MATN3: variants seen among roughly 807,000 people sequenced by gnomAD.
MATN3 encodes the protein matrilin 3.
MATN3 carries 48 observed loss-of-function variants against 45.3 expected under a neutral mutation model. That is an observed-to-expected ratio of 1.06 (90% CI 0.84 to 1.35). MATN3 has a LOEUF of 1.35. MATN3 is among the 40% of genes most tolerant of loss of function. The probability of loss-of-function intolerance (pLI) is 0.00; values close to 1 mark genes in which losing one functional copy is unlikely to be tolerated. For missense variants in MATN3, 599 were observed against 628.0 expected (o/e 0.95, Z 0.49); for synonymous variants, 217 against 245.9 (o/e 0.88, Z 1.10).
intron 3 of MATN3, 123 bp downstream of exon 3, chr2:20,003,038 A>G: frequency 8.6e-7 from 1 of 1,163,488 alleles, no homozygotes. Context: ...GAACACCAGT[A>G]AACCAGCCAA....
rs572116479 is a variant in MATN3, at chr2:20,010,363, A to G, written c.223+2046T>C. On this transcript the variant is annotated intron_variant, in intron 1 of 7. Coordinates refer to ENST00000407540, the MANE Select transcript of MATN3 (RefSeq NM_002381.5). ...CTTGGTTATTCACACCGAATCCTCT[A>G]TTCGGGGTGTGGTATGCAGAATAAT... Among the ~76,000 whole-genome samples, 3 of 152,294 alleles carry G rather than the reference A, an allele frequency of 2.0e-5. 1 individual carries two copies. Among genetic ancestry groups the G allele is most frequent in the Non-Finnish European group, 2.9e-5 (2 of 68,036 alleles).
Position 20,006,192 on chromosome 2 carries a change from G to A in MATN3, c.342C>T (p.Asp114=). 1 of 1,613,904 alleles carries A rather than the reference G, an allele frequency of 6.2e-7. No homozygotes were observed. The highest frequency in any genetic ancestry group is 8.5e-7 in the Non-Finnish European group (1 of 1,179,874). ...TFVSRIIDTL[D]IGPADTRVAV... is the part of the protein sequence containing the mutation. Reference sequence around the variant, plus strand: ...CCACCCGCGTGTCGGCTGGCCCAATGTCCAGAGTGTCGATTATCCGGGAGA... The same window carrying A: ...CCACCCGCGTGTCGGCTGGCCCAATATCCAGAGTGTCGATTATCCGGGAGA... Residue 114 remains aspartate, a synonymous_variant, in exon 2 of 8, where the codon GAC becomes GAT. Transcript: ENST00000407540.
In MATN3 at chr2:19,993,177, G is replaced by T. The variant is rs759227002; in HGVS notation, c.1406-11C>A. ...CCAAAATGTCATCAAGTGGCAAGTT[G>T]TTAAGGCCAACACCATTTATTTTTA... On this transcript the variant is annotated splice_polypyrimidine_tract_variant and intron_variant, in intron 7 of 7. Coordinates refer to ENST00000407540, the MANE Select transcript of MATN3 (RefSeq NM_002381.5). 6 of 1,596,984 alleles carry T rather than the reference G, an allele frequency of 3.8e-6. No individual in the cohort carries two copies. Among genetic ancestry groups the T allele is most frequent in the Non-Finnish European group, 5.2e-6 (6 of 1,164,978 alleles).
intron 6 of MATN3, 74 bp downstream of exon 6, chr2:19,997,059 TA>T: frequency 6.6e-7 from 1 of 1,505,522 alleles, no homozygotes. Flanking sequence ...AACTGTGTCT[TA>T]GACAGAAAGA....
chr2:20,007,294 C>T (rs1006941150), intron 1 of MATN3, among the ~76,000 whole-genome samples: 17 of 152,150 alleles, frequency 1.1e-4, no homozygotes, highest in Non-Finnish European at 1.2e-4. Flanking sequence ...TGTGGGAGGC[C>T]GAGGCGGGAG....
rs996766896 is a variant in MATN3, at chr2:20,012,542, G to C, written c.90C>G (p.Pro30=). 5.2e-5 allele frequency: 64 copies of C among 1,226,510 alleles called. No individual in the cohort carries two copies. The Admixed American group carries it at 9.4e-4, about 18-fold the overall frequency. The allele number at this position is 1,226,510 out of a possible 1,614,324, so 76.0% of individuals were successfully genotyped here. ...LLLLPSAAPD[P]VARPGFRRLE... ...GCCTCCGGAAGCCCGGGCGGGCCAC[G>C]GGGTCGGGGGCGGCGGAGGGCAGCA... Residue 30 remains proline (P), a synonymous_variant, in exon 1 of 8, where the codon CCC becomes CCG. Transcript: ENST00000407540. The surrounding 1 kb of genome is among the most constrained non-coding windows in gnomAD (Gnocchi z 4.3).
chr2:20,012,439 T>C lies in MATN3; in HGVS notation c.193A>G (p.Thr65Ala). 1 of 1,229,418 alleles carries C rather than the reference T, an allele frequency of 8.1e-7. No individual in the cohort carries two copies. Among genetic ancestry groups the C allele is most frequent in the Non-Finnish European group, 1.0e-6 (1 of 986,504 alleles). 76.2% of individuals were successfully genotyped at this position (1,229,418 alleles called of 1,614,324 possible). The part of the protein sequence containing the change: ...AAPDGAPASG[T>A]SEPGRARGAG... ...CCGCGGGCGCGGCCAGGCTCGCTGG[T>C]CCCGGAAGCGGGCGCGCCGTCGGGA... The change falls in exon 1 of 8, where the codon ACC (threonine) becomes GCC (alanine). Residue 65 changes from threonine to alanine, a missense_variant. By Grantham distance (58) the Thr-to-Ala change is moderately conservative. Coordinates refer to ENST00000407540, the MANE Select transcript of MATN3 (RefSeq NM_002381.5). The surrounding 1 kb of genome is among the most constrained non-coding windows in gnomAD (Gnocchi z 4.3).
In MATN3 at chr2:19,995,270, T is replaced by C. The variant is rs909746610; in HGVS notation, c.1295-861A>G. The stretch of plus-strand genomic sequence containing the variant: ...GAGTTCAAGACCAGCCTGGACAACA[T>C]AGTGAAACCCCGTCTCTAATAAAGA... On this transcript the variant is annotated intron_variant, in intron 6 of 7. Coordinates refer to ENST00000407540, the MANE Select transcript of MATN3 (RefSeq NM_002381.5). The surrounding 1 kb of genome is among the most constrained non-coding windows in gnomAD (Gnocchi z 4.2). Among the ~76,000 whole-genome samples the C allele has an allele frequency of 2.6e-5, 4 of 151,822 alleles. No individual in the cohort carries two copies. The highest frequency in any genetic ancestry group is 5.9e-5 in the Non-Finnish European group (4 of 67,976).
intron 5 of MATN3, among the ~76,000 whole-genome samples, chr2:19,999,626 TAAA>T (rs56100312): frequency 2.4e-4 from 29 of 120,164 alleles, no homozygotes; most frequent in South Asian, 5.6e-4. Flanking sequence ...GGTTTCCCTT[TAAA>T]AAAAAAAAAA....
chr2:20,000,604 T>C, intron 4 of MATN3, 38 bp from the exon 5 acceptor site: 1 of 1,588,478 alleles, frequency 6.3e-7, no homozygotes, highest in Non-Finnish European at 8.5e-7. Context: ...AAATAGAAGG[T>C]GGAAAAGTAT....
At chr2:19,994,982 C>T (rs577444580) in intron 6 of MATN3, among the ~76,000 whole-genome samples, 1 of 151,872 alleles carries the variant, frequency 6.6e-6, no homozygotes, top group East Asian at 1.9e-4. Context: ...CCTAGCTACT[C>T]GAGAGGCTGA....
chr2:19,999,926 G>A lies in MATN3; in HGVS notation c.1168+515C>T, dbSNP rs141757584. On this transcript the variant is annotated intron_variant, in intron 5 of 7. Coordinates refer to ENST00000407540, the MANE Select transcript of MATN3 (RefSeq NM_002381.5). The stretch of plus-strand genomic sequence containing the variant: ...GGCTGAGTTTCACCAATGATTGATC[G>A]TCTAGAAACTGCCAGGGAGTGACTG... Among the ~76,000 whole-genome samples, 780 of 152,264 alleles carry A rather than the reference G, an allele frequency of 5.1e-3. 4 individuals are homozygous for A. The highest frequency in any genetic ancestry group is 8.9e-3 in the African/African-American group (370 of 41,570).
chr2:20,000,515 T>A lies in MATN3; in HGVS notation c.1094A>T (p.Asn365Ile), dbSNP rs558761609. ...ACAATGATGGGACCCTGTTCTGTCA[T>A]TCACACAAATGTGCTGACACCCATG... The part of the protein sequence containing the change: ...GTHGCQHICV[N>I]DRTGSHHCEC... Residue 365 changes from asparagine (N) to isoleucine (I), a missense_variant, in exon 5 of 8, where the codon AAT (asparagine) becomes ATT (isoleucine). Asn to Ile is a moderately radical substitution (Grantham distance 149). Transcript: ENST00000407540. The A allele has an allele frequency of 1.9e-6, 3 of 1,612,570 alleles. No individual in the cohort carries two copies. The East Asian group carries it at 6.7e-5, about 36-fold the overall frequency.
rs772606660 is a variant in MATN3 at position 19,997,173 on chromosome 2, G to C, written c.1255C>G (p.Pro419Ala). 2 of 1,613,920 alleles carry C rather than the reference G, an allele frequency of 1.2e-6. No homozygotes were observed. The highest frequency in any genetic ancestry group is 2.2e-5 in the East Asian group (1 of 44,878). ...GAASYHCDCYPGYTLNEDKKT... is the reference protein window; with the variant it reads ...GAASYHCDCYAGYTLNEDKKT... ...TTGTCCTCATTTAAGGTGTAGCCAG[G>C]ATAGCAATCACAGTGGTAGGATGCG... The change falls in exon 6 of 8, where the codon CCT becomes GCT. Residue 419 changes from proline (P) to alanine (A), a missense_variant. Coordinates refer to ENST00000407540, the MANE Select transcript of MATN3 (RefSeq NM_002381.5).
chr2:20,009,954 T>C (rs781022547), intron 1 of MATN3, among the ~76,000 whole-genome samples: 7 of 149,980 alleles, frequency 4.7e-5, no homozygotes, highest in Non-Finnish European at 8.8e-5. Flanking sequence ...TTAAATTGTA[T>C]AAAAACAAGC....
At chr2:19,999,513 C>T (rs1672943431) in intron 5 of MATN3, among the ~76,000 whole-genome samples, 1 of 151,820 alleles carries the variant, frequency 6.6e-6, no homozygotes, top group Non-Finnish European at 1.5e-5. Context: ...TCTCTGTTCA[C>T]CCAGATTTAA....
chr2:19,993,068 T>TA lies in MATN3; in HGVS notation c.*42dup, dbSNP rs1449013739. 1.3e-6 allele frequency: 2 copies of TA among 1,509,362 alleles called. No individual in the cohort carries two copies. Among genetic ancestry groups the TA allele is most frequent in the South Asian group, 2.3e-5 (2 of 88,758 alleles). 93.5% of individuals were successfully genotyped at this position (1,509,362 alleles called of 1,614,324 possible). A position where few individuals can be genotyped will look rare whatever the true frequency, so the allele number is the denominator to read the frequency against. ...TGCAAAAGAATGCATGAGTATTAAGTACACCAAGCTGTCCACATTTTCAGG... is the reference window on the plus strand; with the variant it reads ...TGCAAAAGAATGCATGAGTATTAAGTAACACCAAGCTGTCCACATTTTCAGG... On this transcript the variant is annotated 3_prime_UTR_variant, in exon 8 of 8. Coordinates refer to ENST00000407540, the MANE Select transcript of MATN3 (RefSeq NM_002381.5).
At chr2:20,010,066 CTAAAAAA>C (rs1218774227) in intron 1 of MATN3, among the ~76,000 whole-genome samples, 15 of 5,564 alleles carry the variant, frequency 2.7e-3, no homozygotes, top group Non-Finnish European at 3.5e-3. Flanking sequence ...TCTTCAAATA[CTAAAAAA>C]AAAAAAAAAA....
chr2:19,996,855 A>G (rs1265033105), intron 6 of MATN3, among the ~76,000 whole-genome samples: 1 of 152,198 alleles, frequency 6.6e-6, no homozygotes, highest in African/African-American at 2.4e-5. Flanking sequence ...TGAAATGGTA[A>G]ATTGTATGTG....
Sources: allele counts gnomAD v4.1 joint callset (sites outside exome capture counted in the v4.1 genomes callset), GRCh38; gene constraint gnomAD v4.1.1; non-coding constraint Gnocchi (gnomAD v3.1); transcripts MANE v1.5; gene names NCBI Gene and HGNC (gene_info 2026-07-23, HGNC 2026-07-21).